Variants in GRIP2 observed in about 807,000 individuals in gnomAD.
The protein encoded by GRIP2 is glutamate receptor interacting protein 2, also known as glutamate receptor-interacting protein 2.
A neutral mutation model predicts 108.3 loss-of-function variants in GRIP2; 58 were observed. That is an observed-to-expected ratio of 0.54 (90% CI 0.43 to 0.67). GRIP2 has a LOEUF of 0.67. Among genes scored for constraint, GRIP2 ranks in the 30% least tolerant of loss-of-function variants. GRIP2 has a pLI of 0.00. For synonymous variants in GRIP2, 586 were observed against 598.2 expected (o/e 0.98, Z 0.30); for missense variants, 1,278 against 1,430.6 (o/e 0.89, Z 1.72).
At chr3:14,572,161 C>T in the GRIP2 span, among the ~76,000 whole-genome samples, 1 of 152,124 alleles carries the variant, frequency 6.6e-6, no homozygotes, top group South Asian at 2.1e-4. Flanking sequence ...GGAGTATTCA[C>T]AGCAGCGTTT....
chr3:14,541,459 C>T (rs920592726), upstream of GRIP2, among the ~76,000 whole-genome samples: 1 of 152,310 alleles, frequency 6.6e-6, no homozygotes, highest in Admixed American at 6.5e-5. Context: ...GAGGGCTGCC[C>T]GGTAGTTAGG....
At chr3:14,564,363 C>T in the GRIP2 span, among the ~76,000 whole-genome samples, 2 of 152,226 alleles carry the variant, frequency 1.3e-5, no homozygotes, top group Admixed American at 6.5e-5. Flanking sequence ...GCAGCTCCAC[C>T]GGGGCTCCTC....
At chr3:14,587,271 T>C in the GRIP2 span, among the ~76,000 whole-genome samples, 2 of 152,122 alleles carry the variant, frequency 1.3e-5, no homozygotes, top group Non-Finnish European at 2.9e-5. Flanking sequence ...CCAACAAACA[T>C]CTTATGTGGT....
intron 1 of GRIP2, among the ~76,000 whole-genome samples, chr3:14,553,585 T>C (rs1218152984): frequency 6.6e-6 from 1 of 152,114 alleles, no homozygotes; most frequent in East Asian, 1.9e-4. Flanking sequence ...ATGGGAGGGG[T>C]CTCACATGGC....
chr3:14,524,210 T>A, intron 4 of GRIP2, 183 bp downstream of exon 4: 1 of 632,734 alleles, frequency 1.6e-6, no homozygotes, highest in Non-Finnish European at 2.7e-6. Flanking sequence ...CACCACCTCC[T>A]GGTGACAGCA....
chr3:14,590,487 T>C, the GRIP2 span, among the ~76,000 whole-genome samples: 1,899 of 152,334 alleles, frequency 0.012, 41 homozygotes, highest in African/African-American at 0.042. Flanking sequence ...TTTTCTCTCA[T>C]CTGATAAGGC....
upstream of GRIP2, among the ~76,000 whole-genome samples, chr3:14,542,577 A>G (rs562585348): frequency 1.2e-4 from 18 of 152,322 alleles, no homozygotes; most frequent in East Asian, 3.9e-4. Context: ...TGTCTCTCTC[A>G]CTGCTCCTTT....
rs143679856 is a variant in GRIP2, at chr3:14,497,202, C to T, written c.2680-642G>A. Reference sequence around the variant, plus strand: ...GGCTGGTTTCGAACTCCTGACCTCACATGATCCACCCACCTCAGCTTCCCA... The same window carrying T: ...GGCTGGTTTCGAACTCCTGACCTCATATGATCCACCCACCTCAGCTTCCCA... On this transcript the variant is annotated intron_variant, in intron 21 of 23. Transcript: ENST00000621039. 2.5e-4 allele frequency among the ~76,000 whole-genome samples: 38 copies of T among 152,268 alleles called. No individual in the cohort carries two copies. The East Asian group carries it at 5.6e-3, about 22-fold the overall frequency.
chr3:14,546,279 A>G (rs1695056632), upstream of GRIP2, among the ~76,000 whole-genome samples: 1 of 152,074 alleles, frequency 6.6e-6, no homozygotes, highest in Admixed American at 6.5e-5. Flanking sequence ...GCACAGAGAC[A>G]AGGTCGGCCG....
chr3:14,508,229 C>T (rs182284591), intron 17 of GRIP2, among the ~76,000 whole-genome samples: 30 of 152,326 alleles, frequency 2.0e-4, no homozygotes, highest in African/African-American at 6.7e-4. Flanking sequence ...CACAGTAGGG[C>T]GTGAAGGGCT....
At chr3:14,525,726 G>C (rs1694536191) in intron 2 of GRIP2, 125 bp downstream of exon 2, 1 of 1,296,468 alleles carries the variant, frequency 7.7e-7, no homozygotes, top group African/African-American at 1.5e-5. Flanking sequence ...GAGAATCAGA[G>C]AGGTTAAGTG....
chr3:14,504,527 G>T lies in GRIP2; in HGVS notation c.2574-856C>A, dbSNP rs371788121. On this transcript the variant is annotated intron_variant, in intron 20 of 23. Transcript: ENST00000621039. ...GGGTTCCACCGTGTCAGCCAGGATGGTCTCGATCTCCCGACCTCGTGATCT... is the reference window on the plus strand; with the variant it reads ...GGGTTCCACCGTGTCAGCCAGGATGTTCTCGATCTCCCGACCTCGTGATCT... Among the ~76,000 whole-genome samples the T allele has an allele frequency of 7.4e-4, 112 of 152,154 alleles. 5 individuals are homozygous for T. The South Asian group carries it at 0.021, about 29-fold the overall frequency.
In GRIP2 at chr3:14,495,117, C is replaced by G. The variant is rs967405199; in HGVS notation, c.2824-128G>C. 4 of 1,235,040 alleles carry G rather than the reference C, an allele frequency of 3.2e-6. No individual in the cohort carries two copies. In the African/African-American group the frequency reaches 6.0e-5, roughly 19 times the overall value. 76.5% of individuals were successfully genotyped at this position (1,235,040 alleles called of 1,614,324 possible). ...GCCACACCCCCCAGGCTGCAGCACC[C>G]CAGCCTCTTGCCCCTGGGCCTTCAG... On this transcript the variant is annotated intron_variant, in intron 22 of 23. Transcript: ENST00000621039.
intron 1 of GRIP2, among the ~76,000 whole-genome samples, chr3:14,527,673 T>A (rs1434985766): frequency 1.3e-5 from 2 of 151,850 alleles, no homozygotes; most frequent in Non-Finnish European, 2.9e-5. Flanking sequence ...GCAGATCAGC[T>A]GAGGTCAGGA....
rs770738728 is a variant in GRIP2, at chr3:14,524,462, T to G, written c.334A>C (p.Ile112Leu). Residue 112 changes from isoleucine to leucine, a missense_variant, in exon 4 of 24, where the codon ATC becomes CTC. Physicochemically the swap from Ile to Leu is conservative, Grantham distance 5 (BLOSUM62 2). Transcript: ENST00000621039. The stretch of plus-strand genomic sequence containing the variant: ...CCCACATTCTTGAGCAGGGTGATGA[T>G]CTCATCGTGGCGGAGCCTGGTCAGG... ...IHLTRLRHDEIITLLKNVGER... is the reference protein window; with the variant it reads ...IHLTRLRHDELITLLKNVGER... The G allele has an allele frequency of 6.3e-7, 1 of 1,596,080 alleles. No individual in the cohort carries two copies. Among genetic ancestry groups the G allele is most frequent in the Admixed American group, 1.7e-5 (1 of 57,566 alleles).
At chr3:14,565,610 C>T in the GRIP2 span, among the ~76,000 whole-genome samples, 4 of 152,124 alleles carry the variant, frequency 2.6e-5, no homozygotes, top group African/African-American at 9.7e-5. Flanking sequence ...GGTTGTGCCA[C>T]AGGATGAGAA....
In GRIP2 at chr3:14,510,575, T is replaced by TAAAAG. The variant is rs548708361; in HGVS notation, c.1933+585_1933+589dup. The stretch of plus-strand genomic sequence containing the variant: ...CCATTGCACCTGGCCCAACTTTTCT[T>TAAAAG]AAAAGAAAAGAAAAGAAAAGAAAAG... On this transcript the variant is annotated intron_variant, in intron 16 of 23. Transcript: ENST00000621039. 2.4e-3 allele frequency among the ~76,000 whole-genome samples: 365 copies of TAAAAG among 149,482 alleles called. 3 individuals are homozygous for TAAAAG. Among genetic ancestry groups the TAAAAG allele is most frequent in the South Asian group, 0.011 (52 of 4,808 alleles).
chr3:14,511,029 T>C lies in GRIP2; in HGVS notation c.1933+136A>G. 9.6e-7 allele frequency: 1 copy of C among 1,040,590 alleles called. No homozygotes were observed. Among genetic ancestry groups the C allele is most frequent in the South Asian group, 1.6e-5 (1 of 60,822 alleles). The allele number at this position is 1,040,590 out of a possible 1,614,324, so 64.5% of individuals were successfully genotyped here. Reference sequence around the variant, plus strand: ...CTGTGGTGTTGCCCCCTCCTTCATTTGTTCATTCCAGCCAGCCTTCAGCAG... The same window carrying C: ...CTGTGGTGTTGCCCCCTCCTTCATTCGTTCATTCCAGCCAGCCTTCAGCAG... On this transcript the variant is annotated intron_variant, in intron 16 of 23. Transcript: ENST00000621039. This position sits in a 1 kb window ranked among gnomAD's most constrained non-coding sequence, Gnocchi z 4.1.
At chr3:14,543,966 G>A (rs531506804), upstream of GRIP2, among the ~76,000 whole-genome samples, 32 of 152,320 alleles carry the variant, frequency 2.1e-4, no homozygotes, top group African/African-American at 7.2e-4. Context: ...GGAAGACCAC[G>A]TATTAATGAA....
Sources: allele counts gnomAD v4.1 joint callset (sites outside exome capture counted in the v4.1 genomes callset), GRCh38; gene constraint gnomAD v4.1.1; non-coding constraint Gnocchi (gnomAD v3.1); transcripts MANE v1.5; gene names NCBI Gene and HGNC (gene_info 2026-07-23, HGNC 2026-07-21).